Variants in NELL1 observed in about 807,000 individuals in gnomAD.
NELL1 encodes neural EGFL like 1.
NELL1 carries 76 observed loss-of-function variants against 107.4 expected under a neutral mutation model. The ratio of observed to expected loss-of-function variants is 0.71; its 90% CI spans 0.59 to 0.86. The LOEUF is 0.86. Ranked by LOEUF, NELL1 falls within the 40% of genes least tolerant of loss-of-function variation. The pLI is 0.00. For synonymous variants in NELL1, 353 were observed against 341.2 expected, an observed-to-expected ratio of 1.03 and a Z score of -0.38; for missense variants, 1,024 against 1,005.5, an observed-to-expected ratio of 1.02 and a Z score of -0.25.
intron 3 of NELL1, among the ~76,000 whole-genome samples, chr11:20,807,299 C>T (rs1015167578): frequency 1.3e-5 from 2 of 152,192 alleles, no homozygotes; most frequent in African/African-American, 4.8e-5. Flanking sequence ...TTAGTTCTTG[C>T]AGACTCATAG....
At chr11:21,308,914 G>C (rs1415791946) in intron 14 of NELL1, among the ~76,000 whole-genome samples, 3 of 151,604 alleles carry the variant, frequency 2.0e-5, no homozygotes. Context: ...AAAAGGAAAA[G>C]AGTTTAGGAG....
At chr11:21,411,489 C>A (rs1204754863) in intron 15 of NELL1, among the ~76,000 whole-genome samples, 1 of 151,934 alleles carries the variant, frequency 6.6e-6, no homozygotes, top group Non-Finnish European at 1.5e-5. Flanking sequence ...TAACGAAAGG[C>A]TGGAGGAGTA....
chr11:21,471,672 A>T (rs1371386102), intron 15 of NELL1, among the ~76,000 whole-genome samples: 1 of 152,106 alleles, frequency 6.6e-6, no homozygotes, highest in Non-Finnish European at 1.5e-5. Context: ...CATTAAAGAA[A>T]TGAAGAAAGT....
At chr11:21,153,635 C>T (rs962251334) in intron 13 of NELL1, among the ~76,000 whole-genome samples, 1 of 152,102 alleles carries the variant, frequency 6.6e-6, no homozygotes, top group African/African-American at 2.4e-5. Flanking sequence ...TACATTATAT[C>T]TCTTTATTTA....
At chr11:21,455,341 G>C (rs1853700942) in intron 15 of NELL1, among the ~76,000 whole-genome samples, 1 of 108,790 alleles carries the variant, frequency 9.2e-6, no homozygotes, top group African/African-American at 3.5e-5. Flanking sequence ...TTTTTTTAAT[G>C]AGAGAGAGAG....
intron 14 of NELL1, among the ~76,000 whole-genome samples, chr11:21,298,614 C>G (rs1294212620): frequency 6.6e-6 from 1 of 152,002 alleles, no homozygotes; most frequent in East Asian, 1.9e-4. Flanking sequence ...ATAATCTACT[C>G]TTGCCAAGAG....
chr11:20,965,642 G>T (rs1851373629), intron 12 of NELL1, among the ~76,000 whole-genome samples: 2 of 152,208 alleles, frequency 1.3e-5, no homozygotes, highest in Non-Finnish European at 2.9e-5. Flanking sequence ...ACCTGAATTG[G>T]TATGAATTTA....
intron 13 of NELL1, among the ~76,000 whole-genome samples, chr11:21,149,846 G>T (rs762951643): frequency 1.4e-4 from 22 of 152,104 alleles, no homozygotes; most frequent in Non-Finnish European, 2.9e-4. Flanking sequence ...GCAATTTCAG[G>T]TAGGAATAAT....
At chr11:21,325,707 T>G (rs924988745) in intron 14 of NELL1, among the ~76,000 whole-genome samples, 1 of 152,036 alleles carries the variant, frequency 6.6e-6, no homozygotes, top group Non-Finnish European at 1.5e-5. Context: ...GTGTATTCAA[T>G]TGTTTAATCT....
At chr11:21,227,469 G>A (rs893848523) in intron 13 of NELL1, among the ~76,000 whole-genome samples, 4 of 152,044 alleles carry the variant, frequency 2.6e-5, no homozygotes, top group Non-Finnish European at 5.9e-5. Context: ...ACTCATCTTT[G>A]TATTCCCAGT....
intron 12 of NELL1, among the ~76,000 whole-genome samples, chr11:21,079,254 C>CATAAAGCAAATAT (rs1219784156): frequency 6.6e-6 from 1 of 151,944 alleles, no homozygotes; most frequent in Non-Finnish European, 1.5e-5. Context: ...CATGAAAACA[C>CATAAAGCAAATAT]ATAAAGCAAA....
chr11:21,553,704 A>G (rs1369696624), intron 16 of NELL1, among the ~76,000 whole-genome samples: 1 of 151,862 alleles, frequency 6.6e-6, no homozygotes, highest in African/African-American at 2.4e-5. Context: ...TTATTAGGTG[A>G]AAGACACTGT....
At chr11:20,857,276 G>A (rs1590353362) in intron 4 of NELL1, among the ~76,000 whole-genome samples, 2 of 152,022 alleles carry the variant, frequency 1.3e-5, no homozygotes, top group South Asian at 2.1e-4. Context: ...TGAGAGAGTC[G>A]CTGAATAAAA....
At chr11:20,777,475 T>G (rs889227010) in intron 2 of NELL1, among the ~76,000 whole-genome samples, 5 of 152,342 alleles carry the variant, frequency 3.3e-5, no homozygotes, top group South Asian at 4.1e-4. Context: ...TGAAAGCTGC[T>G]TGGATCAATA....
In NELL1 at chr11:20,834,371, T is replaced by C. The variant is rs574173254; in HGVS notation, c.336-13212T>C. ...GTTTTGGGGAAAGAATTAGGAGTTA[T>C]GTGTTGCGAGTATTGAGTTTGGGGT... On this transcript the variant is annotated intron_variant, in intron 3 of 19. Coordinates refer to ENST00000357134, the MANE Select transcript of NELL1 (RefSeq NM_006157.5). 4.6e-5 allele frequency among the ~76,000 whole-genome samples: 7 copies of C among 152,294 alleles called. 1 individual carries two copies. In the South Asian group the frequency reaches 8.3e-4, roughly 18 times the overall value.
intron 14 of NELL1, among the ~76,000 whole-genome samples, chr11:21,237,549 G>A (rs11025988): frequency 0.33 from 49,861 of 151,636 alleles, 8,250 homozygotes; most frequent in Middle Eastern, 0.41. Context: ...TTTACTTGCC[G>A]GAATGAATTT....
chr11:20,727,129 G>T (rs1236880376), intron 2 of NELL1, among the ~76,000 whole-genome samples: 2 of 152,178 alleles, frequency 1.3e-5, no homozygotes, highest in African/African-American at 2.4e-5. Flanking sequence ...GGATGGCTGG[G>T]TCAAATGGTA....
intron 15 of NELL1, among the ~76,000 whole-genome samples, chr11:21,409,682 T>A (rs1312202003): frequency 2.0e-5 from 3 of 151,980 alleles, no homozygotes; most frequent in African/African-American, 7.2e-5. Flanking sequence ...TTAACGTGAG[T>A]ATAGATTTTC....
intron 14 of NELL1, among the ~76,000 whole-genome samples, chr11:21,250,751 A>G (rs917758122): frequency 2.0e-5 from 3 of 152,202 alleles, no homozygotes; most frequent in Non-Finnish European, 4.4e-5. Flanking sequence ...AAATAAGTGA[A>G]TCCCAAACCT....
Sources: gnomAD v4.1 joint callset for allele counts (sites outside exome capture counted in the v4.1 genomes callset) on GRCh38, gnomAD v4.1.1 for gene constraint, MANE v1.5 for transcripts, NCBI Gene and HGNC (gene_info 2026-07-23, HGNC 2026-07-21) for gene names.